UBE2E3: variants seen among roughly 807,000 people sequenced by gnomAD.
The protein encoded by UBE2E3 is ubiquitin-conjugating enzyme E2 E3.
Under a neutral mutation model 23.6 loss-of-function variants are expected in UBE2E3, and 5 were observed. That is an observed-to-expected ratio of 0.21 (90% CI 0.11 to 0.44). UBE2E3 has a LOEUF of 0.44. UBE2E3 is among the 20% of genes least tolerant of loss of function. The probability of loss-of-function intolerance (pLI) is 0.99; values close to 1 mark genes in which losing one functional copy is unlikely to be tolerated. For synonymous variants in UBE2E3, 78 were observed against 87.5 expected, an observed-to-expected ratio of 0.89 and a Z score of 0.60; for missense variants, 81 against 249.8, an observed-to-expected ratio of 0.32 and a Z score of 4.55.
At chr2:181,056,585 G>A (rs1410287392) in intron 3 of UBE2E3, among the ~76,000 whole-genome samples, 1 of 151,698 alleles carries the variant, frequency 6.6e-6, no homozygotes, top group Non-Finnish European at 1.5e-5. Flanking sequence ...CACCCCTGAG[G>A]GAGGGCATTA....
At chr2:181,018,972 T>A (rs868126601) in intron 3 of UBE2E3, among the ~76,000 whole-genome samples, 1 of 151,566 alleles carries the variant, frequency 6.6e-6, no homozygotes, top group African/African-American at 2.4e-5. Context: ...AGCTCTAAAT[T>A]TTTTTTTTGA....
intron 3 of UBE2E3, among the ~76,000 whole-genome samples, chr2:180,998,929 T>C (rs1319079103): frequency 6.6e-6 from 1 of 152,226 alleles, no homozygotes; most frequent in African/African-American, 2.4e-5. Flanking sequence ...TACTTTTTAA[T>C]GTTTATTAAA....
At chr2:181,020,591 A>G (rs183288060) in intron 3 of UBE2E3, among the ~76,000 whole-genome samples, 40 of 152,344 alleles carry the variant, frequency 2.6e-4, no homozygotes, top group African/African-American at 8.2e-4. Context: ...AGTCATTTCA[A>G]TAATACCACT....
chr2:181,039,067 T>G (rs2105661772), intron 3 of UBE2E3, among the ~76,000 whole-genome samples: 1 of 151,760 alleles, frequency 6.6e-6, no homozygotes, highest in African/African-American at 2.4e-5. Context: ...CTGGTTAAAT[T>G]ACATCCTCCA....
At chr2:181,023,081 TA>T (rs2105630351) in intron 3 of UBE2E3, among the ~76,000 whole-genome samples, 1 of 152,322 alleles carries the variant, frequency 6.6e-6, no homozygotes, top group East Asian at 1.9e-4. Flanking sequence ...GTAGAAACCA[TA>T]ACCCCGACAT....
chr2:181,043,336 G>T (rs1686570966), intron 3 of UBE2E3, among the ~76,000 whole-genome samples: 3 of 152,204 alleles, frequency 2.0e-5, no homozygotes, highest in South Asian at 4.1e-4. Flanking sequence ...CAGTCAACCA[G>T]ATTGTCCACA....
At chr2:181,050,614 T>C (rs1015112468) in intron 3 of UBE2E3, among the ~76,000 whole-genome samples, 1 of 151,898 alleles carries the variant, frequency 6.6e-6, no homozygotes, top group African/African-American at 2.4e-5. Flanking sequence ...AGGAGCTGGG[T>C]AATTAAAAAT....
Position 180,999,616 on chromosome 2 carries a change from A to G in UBE2E3, c.245+15523A>G, listed in dbSNP as rs538668303. ...CTTATTTTTTGTTTTTTTTCATTAT[A>G]GGCACCCTCCCGCCCTCCACCCCTC... On this transcript the variant is annotated intron_variant, in intron 3 of 5. Transcript: ENST00000410062. 7.2e-5 allele frequency among the ~76,000 whole-genome samples: 11 copies of G among 151,896 alleles called. No homozygotes were observed. The South Asian group carries it at 1.9e-3, about 26-fold the overall frequency.
At chr2:180,984,014 CT>C in intron 2 of UBE2E3, 28 bp from the exon 3 acceptor site, 1 of 1,593,682 alleles carries the variant, frequency 6.3e-7, no homozygotes, top group Non-Finnish European at 8.6e-7. Flanking sequence ...ATATCAAATC[CT>C]TTTTGTCTCT....
At chr2:181,051,203 T>A (rs1159706456) in intron 3 of UBE2E3, among the ~76,000 whole-genome samples, 1 of 151,912 alleles carries the variant, frequency 6.6e-6, no homozygotes, top group African/African-American at 2.4e-5. Context: ...ATTACATGTT[T>A]AATCCTTCAG....
At chr2:181,013,422 A>G (rs1418919333) in intron 3 of UBE2E3, among the ~76,000 whole-genome samples, 1 of 150,850 alleles carries the variant, frequency 6.6e-6, no homozygotes, top group Non-Finnish European at 1.5e-5. Flanking sequence ...ATCTATTTTC[A>G]AGGTGGCTCA....
At chr2:181,058,407 A>G (rs1312899914) in intron 4 of UBE2E3, among the ~76,000 whole-genome samples, 1 of 151,768 alleles carries the variant, frequency 6.6e-6, no homozygotes, top group Admixed American at 6.6e-5. Context: ...TGGATAACAG[A>G]GAACGGGGTG....
At chr2:181,051,420 T>C (rs970422859) in intron 3 of UBE2E3, among the ~76,000 whole-genome samples, 8 of 151,818 alleles carry the variant, frequency 5.3e-5, no homozygotes, top group Non-Finnish European at 8.8e-5. Context: ...GCTTACTGAG[T>C]TGCAGCTTAA....
At chr2:181,013,383 G>A (rs35781643) in intron 3 of UBE2E3, among the ~76,000 whole-genome samples, 34,176 of 152,060 alleles carry the variant, frequency 0.22, 4,293 homozygotes, top group Non-Finnish European at 0.28. Context: ...GCAGGCTGTA[G>A]CTGTCTGAAG....
At chr2:180,996,981 T>C (rs1684840191) in intron 3 of UBE2E3, among the ~76,000 whole-genome samples, 1 of 152,172 alleles carries the variant, frequency 6.6e-6, no homozygotes, top group Admixed American at 6.5e-5. Flanking sequence ...TATGCACACA[T>C]GGCTCTTATA....
intron 3 of UBE2E3, among the ~76,000 whole-genome samples, chr2:181,051,436 G>A (rs1686842918): frequency 6.6e-6 from 1 of 151,674 alleles, no homozygotes; most frequent in African/African-American, 2.4e-5. Context: ...CTTAATCCCT[G>A]AAATGTGCAT....
intron 4 of UBE2E3, among the ~76,000 whole-genome samples, chr2:181,059,440 A>G (rs188858427): frequency 6.6e-6 from 1 of 151,792 alleles, no homozygotes; most frequent in Non-Finnish European, 1.5e-5. Flanking sequence ...AGCAGCATTA[A>G]TGGAAATATA....
At chr2:181,022,441 A>G (rs964556687) in intron 3 of UBE2E3, among the ~76,000 whole-genome samples, 1 of 152,112 alleles carries the variant, frequency 6.6e-6, no homozygotes, top group Admixed American at 6.5e-5. Flanking sequence ...TCTTCTAGTT[A>G]ATTATGTAAA....
chr2:181,014,127 C>T (rs925028458), intron 3 of UBE2E3, among the ~76,000 whole-genome samples: 25 of 152,088 alleles, frequency 1.6e-4, no homozygotes, highest in African/African-American at 5.3e-4. Flanking sequence ...ATGTTTCTGA[C>T]GTAAGTATTA....
Sources: gnomAD v4.1 joint callset for allele counts (sites outside exome capture counted in the v4.1 genomes callset) on GRCh38, gnomAD v4.1.1 for gene constraint, MANE v1.5 for transcripts, NCBI Gene and HGNC (gene_info 2026-07-23, HGNC 2026-07-21) for gene names.